ROBO2: variants seen among roughly 807,000 people sequenced by gnomAD.
ROBO2 encodes the protein roundabout guidance receptor 2.
ROBO2 carries 53 observed loss-of-function variants against 160.8 expected under a neutral mutation model. The ratio of observed to expected loss-of-function variants is 0.33; its 90% CI spans 0.26 to 0.41. The LOEUF (loss-of-function observed/expected upper bound fraction) is 0.41, where lower values mean the gene tolerates loss of function less well. Among genes scored for constraint, ROBO2 ranks in the 10% least tolerant of loss-of-function variants. The pLI is 1.00. For synonymous variants in ROBO2, 664 were observed against 611.7 expected, an observed-to-expected ratio of 1.09 and a Z score of -1.26; for missense variants, 1,577 against 1,722.4, an observed-to-expected ratio of 0.92 and a Z score of 1.49.
chr3:77,087,806 G>A (rs1273706141), intron 1 of ROBO2, among the ~76,000 whole-genome samples: 3 of 151,732 alleles, frequency 2.0e-5, no homozygotes, highest in African/African-American at 4.8e-5. Flanking sequence ...TCATCATGGA[G>A]TCATAGGAAT....
At chr3:75,983,329 AG>A (rs2065329587) in intron 2 of ROBO2, among the ~76,000 whole-genome samples, 1 of 151,496 alleles carries the variant, frequency 6.6e-6, no homozygotes, top group Non-Finnish European at 1.5e-5. Flanking sequence ...ACTAGTTGGC[AG>A]TGTACTGAAA....
At chr3:76,258,626 T>C (rs755523503) in intron 2 of ROBO2, among the ~76,000 whole-genome samples, 6 of 152,040 alleles carry the variant, frequency 3.9e-5, no homozygotes, top group Non-Finnish European at 8.8e-5. Flanking sequence ...GTATCTAATT[T>C]TACTCTGTTC....
chr3:76,476,079 G>A (rs764572170), intron 2 of ROBO2, among the ~76,000 whole-genome samples: 5 of 152,154 alleles, frequency 3.3e-5, no homozygotes, highest in Non-Finnish European at 5.9e-5. Flanking sequence ...CTTAAACCCC[G>A]GAGGTGGAGG....
intron 2 of ROBO2, among the ~76,000 whole-genome samples, chr3:76,001,056 G>A (rs928100994): frequency 2.9e-4 from 44 of 151,994 alleles, no homozygotes; most frequent in African/African-American, 1.0e-3. Context: ...TTTTGCAGGG[G>A]TATGTTGTTT....
At chr3:76,350,374 T>C (rs138993928) in intron 2 of ROBO2, among the ~76,000 whole-genome samples, 1 of 152,074 alleles carries the variant, frequency 6.6e-6, no homozygotes, top group Non-Finnish European at 1.5e-5. Flanking sequence ...AATATCACAT[T>C]CTCCTTAGTG....
chr3:76,221,394 A>G (rs563586033), intron 2 of ROBO2, among the ~76,000 whole-genome samples: 1 of 151,206 alleles, frequency 6.6e-6, no homozygotes, highest in East Asian at 2.0e-4. Flanking sequence ...ACTCAGGGTG[A>G]TGGTGAGCAG....
At chr3:77,417,875 G>A (rs1447707081) in intron 2 of ROBO2, among the ~76,000 whole-genome samples, 2 of 151,718 alleles carry the variant, frequency 1.3e-5, no homozygotes, top group East Asian at 1.9e-4. Flanking sequence ...ATATAATTAT[G>A]GCCAATATAT....
intron 2 of ROBO2, among the ~76,000 whole-genome samples, chr3:75,955,959 CTT>C (rs1948710266): frequency 6.6e-6 from 1 of 151,728 alleles, no homozygotes; most frequent in Non-Finnish European, 1.5e-5. Flanking sequence ...CAGAAAAAGA[CTT>C]GTGCTAGGTA....
intron 2 of ROBO2, among the ~76,000 whole-genome samples, chr3:77,016,466 T>G (rs1345023486): frequency 6.6e-6 from 1 of 152,126 alleles, no homozygotes; most frequent in Non-Finnish European, 1.5e-5. Flanking sequence ...GAAGACCCCC[T>G]GCCACCAAAA....
At chr3:77,064,576 G>T (rs190534432) in intron 1 of ROBO2, among the ~76,000 whole-genome samples, 2 of 141,954 alleles carry the variant, frequency 1.4e-5, no homozygotes, top group Non-Finnish European at 3.1e-5. Flanking sequence ...GGCCCGGCTG[G>T]TCTTGAACTC....
chr3:77,300,138 G>A (rs562937311), intron 2 of ROBO2, among the ~76,000 whole-genome samples: 44 of 151,330 alleles, frequency 2.9e-4, no homozygotes, highest in African/African-American at 1.0e-3. Flanking sequence ...TACAGCAAAA[G>A]GGAAATTGAC....
At chr3:76,956,414 G>A (rs533078772) in intron 2 of ROBO2, among the ~76,000 whole-genome samples, 35 of 152,018 alleles carry the variant, frequency 2.3e-4, no homozygotes, top group African/African-American at 7.2e-4. Flanking sequence ...AAAATTAGCC[G>A]GGTGTGGTGG....
In ROBO2 at chr3:77,480,240, T is replaced by C. The variant is rs1047768064; in HGVS notation, c.547-859T>C. ...ATAATGGAGAAAACCAACATGTTCT[T>C]ATCTTGTATTTCTTCAAGAACACTC... On this transcript the variant is annotated intron_variant, in intron 3 of 25. Transcript: ENST00000461745. 2.6e-5 allele frequency among the ~76,000 whole-genome samples: 4 copies of C among 152,124 alleles called. No homozygotes were observed. In the East Asian group the frequency reaches 7.8e-4, roughly 30 times the overall value.
chr3:76,443,873 G>C (rs926340225), intron 2 of ROBO2, among the ~76,000 whole-genome samples: 2 of 152,088 alleles, frequency 1.3e-5, no homozygotes, highest in African/African-American at 4.8e-5. Flanking sequence ...TACACATAAG[G>C]TTTTGACCTA....
At chr3:77,577,464 A>T in intron 14 of ROBO2, 26 bp from the exon 16 acceptor site, 1 of 1,613,042 alleles carries the variant, frequency 6.2e-7, no homozygotes, top group Non-Finnish European at 8.5e-7. Context: ...TATAGTTTGC[A>T]TTTATTCTAA....
intron 2 of ROBO2, among the ~76,000 whole-genome samples, chr3:77,204,105 T>A (rs1336458044): frequency 6.6e-6 from 1 of 152,174 alleles, no homozygotes; most frequent in Non-Finnish European, 1.5e-5. Context: ...ATCTTGGTTA[T>A]GTAAAATATA....
At position 76,226,548 on chromosome 3, in the gene ROBO2, T is replaced by C. The variant is rs530405890; in HGVS notation, c.109+288946T>C. On this transcript the variant is annotated intron_variant, in intron 2 of 26. Coordinates refer to the ROBO2 transcript ENST00000487694. ...GTTCCTTAAAATTGTAAGAATTCTA[T>C]GCAAAGTTTGGACCAGTTTTTAACA... Among the ~76,000 whole-genome samples the C allele has an allele frequency of 2.0e-4, 30 of 152,328 alleles. No homozygotes were observed. In the South Asian group the frequency reaches 3.3e-3, roughly 17 times the overall value.
rs150212901 is a variant in ROBO2, at chr3:76,013,711, G to A, written c.109+76109G>A. On this transcript the variant is annotated intron_variant, in intron 2 of 26. Coordinates refer to the ROBO2 transcript ENST00000487694. ...TTGGCGGCTGGGTACAGTGGCTTAT[G>A]CATGTAATCCCAGAAGTAATATGTA... Among the ~76,000 whole-genome samples, 1,010 of 151,402 alleles carry A rather than the reference G, an allele frequency of 6.7e-3. 77 individuals carry two copies. In the East Asian group the frequency reaches 0.17, roughly 26 times the overall value.
chr3:76,026,990 G>A (rs561702347), intron 2 of ROBO2, among the ~76,000 whole-genome samples: 14 of 151,994 alleles, frequency 9.2e-5, no homozygotes, highest in Admixed American at 2.6e-4. Context: ...TGAGGACTGC[G>A]CTGGGACAAT....
Sources: gnomAD v4.1 joint callset for allele counts (sites outside exome capture counted in the v4.1 genomes callset) on GRCh38, gnomAD v4.1.1 for gene constraint, MANE v1.5 for transcripts, NCBI Gene and HGNC (gene_info 2026-07-23, HGNC 2026-07-21) for gene names.